The following FANCA variants were observed in gnomAD, a reference collection of about 807,000 sequenced individuals.
FANCA encodes FA complementation group A, also known as Fanconi anemia group A protein.
FANCA carries 236 observed loss-of-function variants against 194.3 expected under a neutral mutation model. That is an observed-to-expected ratio of 1.21 (90% CI 1.09 to 1.35). The LOEUF is 1.35. Ranked by LOEUF, FANCA falls within the 40% of genes most tolerant of loss-of-function variation. FANCA has a pLI of 0.00. For missense variants in FANCA, 2,628 were observed against 1,813.9 expected, an observed-to-expected ratio of 1.45 and a Z score of -8.15; for synonymous variants, 1,014 against 715.8, an observed-to-expected ratio of 1.42 and a Z score of -6.65.
At position 89,812,646 on chromosome 16, in the gene FANCA, CA is replaced by C. The variant is rs71137677; in HGVS notation, c.284-1576del. 2.0e-3 allele frequency among the ~76,000 whole-genome samples: 85 copies of C among 42,352 alleles called. 1 individual carries two copies. The highest frequency in any genetic ancestry group is 3.5e-3 in the Admixed American group (12 of 3,470). The allele number at this position is 42,352 out of a possible 152,430, so 27.8% of individuals were successfully genotyped here. A position where few individuals can be genotyped will look rare whatever the true frequency, so the allele number is the denominator to read the frequency against. On this transcript the variant is annotated intron_variant, in intron 3 of 42. Transcript: ENST00000389301. ...GGGTAACAAGAGCAATACTCCGTCT[CA>C]AAAAAAAAAAAAAAAAAAAAAAACT...
intron 20 of FANCA, among the ~76,000 whole-genome samples, chr16:89,776,699 C>T (rs1447322036): frequency 1.3e-5 from 2 of 151,614 alleles, no homozygotes; most frequent in Non-Finnish European, 2.9e-5. Context: ...GGCGTGGTGG[C>T]GGGCGCCTGC....
chr16:89,791,203 G>A lies in FANCA; in HGVS notation c.1359+200C>T. 1.2e-5 allele frequency: 8 copies of A among 676,774 alleles called. No individual in the cohort carries two copies. The South Asian group carries it at 1.4e-4, about 12-fold the overall frequency. 41.9% of individuals were successfully genotyped at this position (676,774 alleles called of 1,614,324 possible). Reference sequence around the variant, plus strand: ...ACCCAGGCTCCTCGGAACATGCAGAGGAAGATCCGCTGAGGCCCCGACAGG... The same window carrying A: ...ACCCAGGCTCCTCGGAACATGCAGAAGAAGATCCGCTGAGGCCCCGACAGG... On this transcript the variant is annotated intron_variant, in intron 14 of 42. Coordinates refer to ENST00000389301, the MANE Select transcript of FANCA (RefSeq NM_000135.4).
intron 14 of FANCA, among the ~76,000 whole-genome samples, chr16:89,785,181 G>GA (rs1328783074): frequency 6.6e-6 from 1 of 152,198 alleles, no homozygotes; most frequent in Non-Finnish European, 1.5e-5. Context: ...GGAAAAAAGA[G>GA]AAACACCAAA....
chr16:89,768,150 G>A (rs951444224), intron 26 of FANCA, among the ~76,000 whole-genome samples: 5 of 152,150 alleles, frequency 3.3e-5, no homozygotes, highest in Non-Finnish European at 7.4e-5. Context: ...GTGTGGGTGT[G>A]CACCTGTGGT....
chr16:89,796,598 C>A (rs982673591), intron 10 of FANCA, among the ~76,000 whole-genome samples: 5 of 152,194 alleles, frequency 3.3e-5, no homozygotes, highest in African/African-American at 1.2e-4. Context: ...GTGGCAAGAG[C>A]ACTTGAGGTC....
chr16:89,792,322 TG>T, intron 12 of FANCA, 148 bp downstream of exon 12: 1 of 912,596 alleles, frequency 1.1e-6, no homozygotes, highest in Non-Finnish European at 1.8e-6. Context: ...CTGACCTGAG[TG>T]GTGGCCTTGA....
intron 26 of FANCA, among the ~76,000 whole-genome samples, chr16:89,767,558 C>CT (rs897272404): frequency 1.9e-4 from 28 of 150,518 alleles, no homozygotes; most frequent in African/African-American, 2.7e-4. Flanking sequence ...GTTGTTAGTG[C>CT]TTTTTTTTTG....
At chr16:89,794,023 T>C (rs2040161806) in intron 11 of FANCA, among the ~76,000 whole-genome samples, 1 of 152,124 alleles carries the variant, frequency 6.6e-6, no homozygotes, top group Non-Finnish European at 1.5e-5. Flanking sequence ...ATGCTGGGAT[T>C]ACAGGCGTGA....
At chr16:89,765,385 T>G (rs540491107) in intron 27 of FANCA, among the ~76,000 whole-genome samples, 8 of 151,422 alleles carry the variant, frequency 5.3e-5, no homozygotes, top group Admixed American at 3.9e-4. Context: ...AACCCCACGT[T>G]CAGGGGACCT....
chr16:89,792,525 C>T lies in FANCA; in HGVS notation c.1029G>A (p.Gln343=), dbSNP rs779989777. 2.6e-5 allele frequency: 42 copies of T among 1,613,320 alleles called. No homozygotes were observed. The highest frequency in any genetic ancestry group is 3.6e-5 in the Non-Finnish European group (42 of 1,180,028). ...GTGTCCGCGCAAAGCTCCACTCTCT[C>T]TGCATCTGAACAGCATCAGATGCTG... ...VLKASDAVQM[Q]REWSFARTHP... is the part of the protein sequence containing the mutation. Residue 343 remains glutamine (Q), a synonymous_variant, in exon 12 of 43, where the codon CAG becomes CAA. Coordinates refer to ENST00000389301, the MANE Select transcript of FANCA (RefSeq NM_000135.4).
At position 89,740,793 on chromosome 16, in the gene FANCA, G is replaced by A; in HGVS notation, c.3828+11C>T. On this transcript the variant is annotated intron_variant, in intron 38 of 42. Transcript: ENST00000389301. ...GGGAGAGGACACCTTGGCTGGTAAG[G>A]TCTGACTTACATTTGAGGTCAGATG... is the stretch of plus-strand genomic sequence containing the variant. 3.1e-6 allele frequency: 5 copies of A among 1,612,252 alleles called. No homozygotes were observed. The highest frequency in any genetic ancestry group is 4.2e-6 in the Non-Finnish European group (5 of 1,178,640).
chr16:89,792,079 A>T lies in FANCA; in HGVS notation c.1084-11T>A. On this transcript the variant is annotated splice_polypyrimidine_tract_variant and intron_variant, in intron 12 of 42. Transcript: ENST00000389301. Reference sequence around the variant, plus strand: ...CAGCATCACAAAGAGCTGAAATAAAAGCATCCGCTCCCTTCAATATCCAAG... The same window carrying T: ...CAGCATCACAAAGAGCTGAAATAAATGCATCCGCTCCCTTCAATATCCAAG... The T allele has an allele frequency of 6.2e-7, 1 of 1,614,206 alleles. No individual in the cohort carries two copies.
intron 15 of FANCA, among the ~76,000 whole-genome samples, chr16:89,783,934 T>A (rs1043980066): frequency 6.6e-6 from 1 of 152,132 alleles, no homozygotes; most frequent in African/African-American, 2.4e-5. Context: ...GCTAATTTTG[T>A]ATTTTCAGTA....
At chr16:89,741,548 C>T (rs2143034000) in intron 37 of FANCA, among the ~76,000 whole-genome samples, 1 of 152,320 alleles carries the variant, frequency 6.6e-6, no homozygotes, top group South Asian at 2.1e-4. Context: ...GTTCTGCACA[C>T]ACCACCCTTG....
intron 32 of FANCA, 33 bp downstream of exon 32, chr16:89,749,697 G>A (rs758629036): frequency 2.5e-6 from 4 of 1,596,516 alleles, no homozygotes; most frequent in Non-Finnish European, 3.4e-6. Flanking sequence ...TGCCCAGGTG[G>A]TGCTGCCCTG....
chr16:89,749,039 G>A (rs1339049565), intron 32 of FANCA, among the ~76,000 whole-genome samples: 2 of 152,162 alleles, frequency 1.3e-5, no homozygotes, highest in East Asian at 3.9e-4. Context: ...ACAGTTACAC[G>A]ATAACCAAGT....
At chr16:89,783,377 T>C (rs549330141) in intron 15 of FANCA, among the ~76,000 whole-genome samples, 15 of 151,880 alleles carry the variant, frequency 9.9e-5, no homozygotes, top group African/African-American at 1.7e-4. Flanking sequence ...GGTGAAACCC[T>C]GTCTCTACTA....
chr16:89,739,043 G>C (rs775989654), intron 41 of FANCA, 69 bp from the exon 42 acceptor site: 2 of 1,614,022 alleles, frequency 1.2e-6, no homozygotes, highest in Non-Finnish European at 1.7e-6. Flanking sequence ...GTCCCCCATA[G>C]TCTGCATGCT....
intron 30 of FANCA, among the ~76,000 whole-genome samples, chr16:89,756,395 G>A (rs1056760725): frequency 2.6e-5 from 4 of 152,136 alleles, no homozygotes; most frequent in Non-Finnish European, 5.9e-5. Context: ...TTGGGAGGCC[G>A]AGGCGGGCAG....
Sources: gnomAD v4.1 joint callset for allele counts (sites outside exome capture counted in the v4.1 genomes callset) on GRCh38, gnomAD v4.1.1 for gene constraint, MANE v1.5 for transcripts, NCBI Gene and HGNC (gene_info 2026-07-23, HGNC 2026-07-21) for gene names.